TENM4: variants seen among roughly 807,000 people sequenced by gnomAD.
The protein encoded by TENM4 is teneurin transmembrane protein 4.
A neutral mutation model predicts 243.3 loss-of-function variants in TENM4; 82 were observed. The ratio of observed to expected loss-of-function variants is 0.34; its 90% CI spans 0.28 to 0.40. The LOEUF (loss-of-function observed/expected upper bound fraction) is 0.40, where lower values mean the gene tolerates loss of function less well. Ranked by LOEUF, TENM4 falls within the 10% of genes least tolerant of loss-of-function variation. The probability of loss-of-function intolerance (pLI) is 1.00; values close to 1 mark genes in which losing one functional copy is unlikely to be tolerated. For synonymous variants in TENM4, 1,412 were observed against 1,456.3 expected (o/e 0.97, Z 0.69); for missense variants, 3,138 against 3,673.3 (o/e 0.85, Z 3.77).
chr11:79,193,479 C>T (rs1441502939), intron 3 of TENM4, among the ~76,000 whole-genome samples: 1 of 152,206 alleles, frequency 6.6e-6, no homozygotes, highest in Non-Finnish European at 1.5e-5. Flanking sequence ...GACTGAGAAT[C>T]AGGAGACAAA....
At chr11:79,378,884 TA>T (rs34204961) in intron 1 of TENM4, among the ~76,000 whole-genome samples, 14,681 of 116,864 alleles carry the variant, frequency 0.13, 803 homozygotes, top group Admixed American at 0.15. Context: ...CCCTGTCTGT[TA>T]AAAAAAAAAA....
chr11:78,757,826 G>A (rs1253883815), intron 18 of TENM4, among the ~76,000 whole-genome samples: 1 of 152,142 alleles, frequency 6.6e-6, no homozygotes, highest in Non-Finnish European at 1.5e-5. Context: ...AGGCTGCAGG[G>A]ATATTTGTGC....
intron 4 of TENM4, among the ~76,000 whole-genome samples, chr11:79,099,306 C>A (rs1424875691): frequency 6.6e-6 from 1 of 152,078 alleles, no homozygotes; most frequent in Non-Finnish European, 1.5e-5. Flanking sequence ...CCTTTGCAGG[C>A]CCCCCATATA....
intron 3 of TENM4, among the ~76,000 whole-genome samples, chr11:79,206,428 C>A (rs1271862565): frequency 2.6e-5 from 4 of 152,152 alleles, no homozygotes; most frequent in Non-Finnish European, 5.9e-5. Context: ...GATAATGAGG[C>A]CCTCCCTGAT....
intron 2 of TENM4, among the ~76,000 whole-genome samples, chr11:79,223,750 CT>C (rs1298746830): frequency 1.3e-5 from 2 of 152,158 alleles, no homozygotes; most frequent in East Asian, 3.9e-4. Context: ...CCCTGTAGTG[CT>C]TATCCACTAG....
intron 15 of TENM4, among the ~76,000 whole-genome samples, chr11:78,788,675 A>G (rs535954994): frequency 1.5e-4 from 23 of 152,388 alleles, no homozygotes; most frequent in Admixed American, 2.0e-4. Context: ...AAGCAACTCA[A>G]GAAAGGTTTC....
At chr11:79,093,821 C>A (rs1454782134) in intron 4 of TENM4, 1 of 152,256 alleles carries the variant, frequency 6.6e-6, no homozygotes, top group African/African-American at 2.4e-5. Flanking sequence ...TCAATAAACA[C>A]TAAATAAGAC....
At chr11:79,209,039 A>G (rs1863904031) in intron 3 of TENM4, among the ~76,000 whole-genome samples, 1 of 152,200 alleles carries the variant, frequency 6.6e-6, no homozygotes, top group Non-Finnish European at 1.5e-5. Context: ...TGCAATTAGC[A>G]ACAGGAAGCG....
intron 1 of TENM4, among the ~76,000 whole-genome samples, chr11:79,416,845 A>G (rs1423517164): frequency 6.6e-6 from 1 of 151,666 alleles, no homozygotes; most frequent in East Asian, 1.9e-4. Flanking sequence ...TCTCAGGTAC[A>G]GTTAGGATTT....
At chr11:79,308,646 G>T (rs974444295) in intron 1 of TENM4, among the ~76,000 whole-genome samples, 2 of 152,144 alleles carry the variant, frequency 1.3e-5, no homozygotes, top group African/African-American at 4.8e-5. Context: ...TTACAGAAGA[G>T]GAAACTTGAA....
chr11:78,723,976 CTTTCT>C (rs1462740317), intron 23 of TENM4, among the ~76,000 whole-genome samples: 2 of 151,914 alleles, frequency 1.3e-5, no homozygotes, highest in East Asian at 3.9e-4. Context: ...TAACTACTTT[CTTTCT>C]TTTCTTTTTC....
At chr11:79,266,697 A>G (rs372939880) in intron 2 of TENM4, among the ~76,000 whole-genome samples, 58 of 152,364 alleles carry the variant, frequency 3.8e-4, no homozygotes, top group East Asian at 2.7e-3. Flanking sequence ...ATAGAGACAG[A>G]GGCAGCTCTG....
intron 7 of TENM4, among the ~76,000 whole-genome samples, chr11:78,892,005 C>A (rs1855679494): frequency 6.6e-6 from 1 of 152,198 alleles, no homozygotes; most frequent in African/African-American, 2.4e-5. Context: ...GTATTTCTCC[C>A]AGGCCCCCAG....
chr11:78,826,331 C>A (rs368357449), intron 12 of TENM4, among the ~76,000 whole-genome samples: 1 of 152,216 alleles, frequency 6.6e-6, no homozygotes, highest in East Asian at 1.9e-4. Flanking sequence ...AGGTGATCCA[C>A]CCTCCTTGGC....
chr11:79,029,871 G>A (rs958783186), intron 6 of TENM4, among the ~76,000 whole-genome samples: 11 of 152,072 alleles, frequency 7.2e-5, no homozygotes, highest in Non-Finnish European at 1.0e-4. Flanking sequence ...AGAAATCCCC[G>A]GGTCCTTTAT....
intron 2 of TENM4, among the ~76,000 whole-genome samples, chr11:79,268,206 G>A (rs1246478039): frequency 6.6e-6 from 1 of 152,132 alleles, no homozygotes; most frequent in Non-Finnish European, 1.5e-5. Flanking sequence ...TAAAGGGCTG[G>A]GCTGTAAATA....
chr11:79,357,661 G>C (rs957266079), intron 1 of TENM4, among the ~76,000 whole-genome samples: 10 of 152,206 alleles, frequency 6.6e-5, no homozygotes, highest in Non-Finnish European at 1.5e-4. Context: ...CATATTGGAA[G>C]ACAGTATTGC....
chr11:78,874,336 T>G (rs1859209853), intron 9 of TENM4, among the ~76,000 whole-genome samples: 1 of 152,198 alleles, frequency 6.6e-6, no homozygotes, highest in Non-Finnish European at 1.5e-5. Flanking sequence ...ATTTAGAGAT[T>G]ATAAAGTATA....
At chr11:79,250,999 AC>A (rs1855600600) in intron 2 of TENM4, among the ~76,000 whole-genome samples, 2 of 152,316 alleles carry the variant, frequency 1.3e-5, no homozygotes, top group African/African-American at 2.4e-5. Context: ...TCCCACCAAA[AC>A]TATATAGAAA....
Sources: gnomAD v4.1 joint callset for allele counts (sites outside exome capture counted in the v4.1 genomes callset) on GRCh38, gnomAD v4.1.1 for gene constraint, MANE v1.5 for transcripts, NCBI Gene and HGNC (gene_info 2026-07-23, HGNC 2026-07-21) for gene names.